The following PAQR5 variants were observed in gnomAD, a reference collection of about 807,000 sequenced individuals.
PAQR5 encodes membrane progestin receptor gamma.
A neutral mutation model predicts 34.5 loss-of-function variants in PAQR5; 20 were observed. The observed-to-expected ratio is 0.58, with a 90% confidence interval of 0.41 to 0.84. PAQR5 has a LOEUF of 0.84. PAQR5 is among the 40% of genes least tolerant of loss of function. The pLI, the probability that PAQR5 is intolerant of heterozygous loss-of-function variation, is 0.00. For missense variants in PAQR5, 378 were observed against 412.7 expected (o/e 0.92, Z 0.73); for synonymous variants, 131 against 155.6 (o/e 0.84, Z 1.18).
At chr15:69,307,901 G>A (rs1262592851) in intron 1 of PAQR5, among the ~76,000 whole-genome samples, 2 of 152,208 alleles carry the variant, frequency 1.3e-5, no homozygotes, top group African/African-American at 4.8e-5. Flanking sequence ...AGGCACCTGG[G>A]TAAGTTCACT....
In PAQR5 at chr15:69,360,027, G is replaced by A; in HGVS notation, c.-54G>A. On this transcript the variant is annotated 5_prime_UTR_variant, in exon 3 of 9. Coordinates refer to ENST00000395407, the MANE Select transcript of PAQR5 (RefSeq NM_017705.4). ...AGGCCATGTTAGAGCTTTGAGTGAG[G>A]CCTGGTAACAGGGAGGCGCTGTCAC... 1 of 1,425,326 alleles carries A rather than the reference G, an allele frequency of 7.0e-7. No individual in the cohort carries two copies. The highest frequency in any genetic ancestry group is 9.9e-7 in the Non-Finnish European group (1 of 1,008,936). 88.3% of individuals were successfully genotyped at this position (1,425,326 alleles called of 1,614,324 possible).
At chr15:69,372,627 T>C (rs2055595194) in intron 3 of PAQR5, among the ~76,000 whole-genome samples, 1 of 152,216 alleles carries the variant, frequency 6.6e-6, no homozygotes, top group Admixed American at 6.5e-5. Flanking sequence ...CACACCACTG[T>C]TGTAAGTTGG....
rs1369426452 is a variant in PAQR5 at position 69,376,362 on chromosome 15, C to T, written c.52-3521C>T. ...TTGTCCTTTCAATGTATGTACCATG[C>T]GTTTTATGAAGGTCTGCTCTATGCA... On this transcript the variant is annotated intron_variant, in intron 3 of 8. Coordinates refer to ENST00000395407, the MANE Select transcript of PAQR5 (RefSeq NM_017705.4). 2.6e-5 allele frequency among the ~76,000 whole-genome samples: 4 copies of T among 152,302 alleles called. No individual in the cohort carries two copies. In the East Asian group the frequency reaches 5.8e-4, roughly 22 times the overall value.
In PAQR5 at chr15:69,319,403, A is replaced by G. The variant is rs547022797; in HGVS notation, c.-276-17938A>G. ...TTGGTTGTGAGTGTCTTGTCTCCCAAACGGATTCTAGGCCATGTGACCCGA... is the reference window on the plus strand; with the variant it reads ...TTGGTTGTGAGTGTCTTGTCTCCCAGACGGATTCTAGGCCATGTGACCCGA... On this transcript the variant is annotated intron_variant, in intron 1 of 8. Coordinates refer to ENST00000395407, the MANE Select transcript of PAQR5 (RefSeq NM_017705.4). 2.0e-5 allele frequency among the ~76,000 whole-genome samples: 3 copies of G among 150,966 alleles called. No individual in the cohort carries two copies. In the South Asian group the frequency reaches 6.3e-4, roughly 32 times the overall value.
intron 2 of PAQR5, among the ~76,000 whole-genome samples, chr15:69,347,246 T>C (rs2054798764): frequency 1.3e-5 from 2 of 152,220 alleles, no homozygotes; most frequent in African/African-American, 4.8e-5. Context: ...CTCCCACTTT[T>C]GAAACAGGAG....
At chr15:69,324,059 T>A (rs1259813936) in intron 1 of PAQR5, among the ~76,000 whole-genome samples, 2 of 150,906 alleles carry the variant, frequency 1.3e-5, no homozygotes, top group African/African-American at 4.9e-5. Flanking sequence ...CTAGGGAATA[T>A]CATTCAGCTT....
chr15:69,391,892 A>C, intron 6 of PAQR5: 1 of 380,038 alleles, frequency 2.6e-6, no homozygotes, highest in East Asian at 7.6e-5. Context: ...ACCTGTCTCC[A>C]CTAAAAATAC....
At chr15:69,309,294 G>T (rs1469567061) in intron 1 of PAQR5, among the ~76,000 whole-genome samples, 9 of 152,236 alleles carry the variant, frequency 5.9e-5, no homozygotes. Flanking sequence ...GAATGGTGCT[G>T]TGGAGGCCCA....
chr15:69,390,430 G>C (rs1276267974), intron 6 of PAQR5, among the ~76,000 whole-genome samples: 1 of 149,190 alleles, frequency 6.7e-6, no homozygotes, highest in African/African-American at 2.5e-5. Flanking sequence ...GCTCACTGTA[G>C]CCTCGCCTTC....
intron 1 of PAQR5, among the ~76,000 whole-genome samples, chr15:69,303,575 C>T (rs2053650895): frequency 6.8e-6 from 1 of 146,950 alleles, no homozygotes. Context: ...AAAAAAAAAG[C>T]ACATCCAATC....
intron 1 of PAQR5, among the ~76,000 whole-genome samples, chr15:69,330,679 C>T (rs543191775): frequency 6.6e-6 from 1 of 152,202 alleles, no homozygotes; most frequent in Non-Finnish European, 1.5e-5. Context: ...GTTACCCACC[C>T]CCCAACCACC....
chr15:69,386,600 C>T (rs12440778), intron 5 of PAQR5, among the ~76,000 whole-genome samples: 2,672 of 151,564 alleles, frequency 0.018, 70 homozygotes, highest in East Asian at 0.1. Flanking sequence ...TCCCACCCTC[C>T]GGATCCCCTC....
chr15:69,311,179 G>A (rs2053827037), intron 1 of PAQR5, among the ~76,000 whole-genome samples: 1 of 151,992 alleles, frequency 6.6e-6, no homozygotes, highest in Non-Finnish European at 1.5e-5. Flanking sequence ...CCTTAGGCAG[G>A]AAGGGAGATA....
rs772739472 is a variant in PAQR5 at position 69,400,070 on chromosome 15, G to C, written c.706G>C (p.Ala236Pro). Residue 236 changes from alanine (A) to proline (P), a missense_variant, in exon 8 of 9, where the codon GCA (alanine) becomes CCA (proline). Ala to Pro is a conservative substitution (Grantham distance 27). Coordinates refer to ENST00000395407, the MANE Select transcript of PAQR5 (RefSeq NM_017705.4). Reference protein sequence around the residue: ...MTLLASFLYSAHLPERLAPGR... With the variant: ...MTLLASFLYSPHLPERLAPGR... ...CCTCCTGGCCTCTTTCTTGTACTCT[G>C]CACATCTGCCAGAACGCCTAGCCCC... The C allele has an allele frequency of 9.3e-6, 15 of 1,614,198 alleles. No individual in the cohort carries two copies. In the East Asian group the frequency reaches 3.3e-4, roughly 36 times the overall value.
intron 2 of PAQR5, among the ~76,000 whole-genome samples, chr15:69,344,318 G>T (rs1332998414): frequency 6.6e-6 from 1 of 152,152 alleles, no homozygotes; most frequent in African/African-American, 2.4e-5. Flanking sequence ...GTATACCATA[G>T]CTGTCATGCC....
At position 69,302,326 on chromosome 15, in the gene PAQR5, A is replaced by C. The variant is rs758161554; in HGVS notation, c.-277+3270A>C. 4.0e-5 allele frequency among the ~76,000 whole-genome samples: 6 copies of C among 151,806 alleles called. 1 individual carries two copies. The highest frequency in any genetic ancestry group is 6.6e-5 in the Admixed American group (1 of 15,264). The stretch of plus-strand genomic sequence containing the variant: ...GAGTTCAAGCGATCTGTCTGCCTCT[A>C]CCTCCCAAAGTGCTGGGATTACAGG... On this transcript the variant is annotated intron_variant, in intron 1 of 8. Coordinates refer to ENST00000395407, the MANE Select transcript of PAQR5 (RefSeq NM_017705.4).
intron 2 of PAQR5, among the ~76,000 whole-genome samples, chr15:69,349,914 T>G (rs892715985): frequency 6.6e-6 from 1 of 152,006 alleles, no homozygotes; most frequent in Non-Finnish European, 1.5e-5. Context: ...AGTGTTGGGA[T>G]TACAGGCGTG....
At chr15:69,375,953 C>T (rs2055693855) in intron 3 of PAQR5, among the ~76,000 whole-genome samples, 1 of 152,200 alleles carries the variant, frequency 6.6e-6, no homozygotes, top group African/African-American at 2.4e-5. Context: ...AGGCTTGAAA[C>T]TGTCACGGTA....
intron 1 of PAQR5, among the ~76,000 whole-genome samples, chr15:69,302,703 T>C (rs11638443): frequency 0.46 from 69,994 of 151,684 alleles, 18,922 homozygotes; most frequent in Middle Eastern, 0.62. Context: ...CCAGCACACC[T>C]GGGGTTAGTC....
Sources: gnomAD v4.1 joint callset for allele counts (sites outside exome capture counted in the v4.1 genomes callset) on GRCh38, gnomAD v4.1.1 for gene constraint, MANE v1.5 for transcripts, NCBI Gene and HGNC (gene_info 2026-07-23, HGNC 2026-07-21) for gene names.